The following DTNB variants were observed in gnomAD, a reference collection of about 807,000 sequenced individuals.
The protein encoded by DTNB is DTN-B.
A neutral mutation model predicts 90.7 loss-of-function variants in DTNB; 63 were observed. The observed-to-expected ratio is 0.69, with a 90% CI of 0.57 to 0.86. DTNB has a LOEUF of 0.86. Ranked by LOEUF, DTNB falls within the 40% of genes least tolerant of loss-of-function variation. DTNB has a pLI of 0.00. For synonymous variants in DTNB, 277 were observed against 286.7 expected, an observed-to-expected ratio of 0.97 and a Z score of 0.34; for missense variants, 744 against 807.1, an observed-to-expected ratio of 0.92 and a Z score of 0.95.
chr2:25,384,000 C>G, intron 18 of DTNB, 111 bp from the exon 19 acceptor site: 1 of 1,583,330 alleles, frequency 6.3e-7, no homozygotes, highest in Non-Finnish European at 8.6e-7. Context: ...GCTAACAGCT[C>G]CTGGCTGCAG....
chr2:25,502,825 G>A (rs182349378), intron 9 of DTNB, among the ~76,000 whole-genome samples: 1 of 148,086 alleles, frequency 6.8e-6, no homozygotes, highest in African/African-American at 2.5e-5. Flanking sequence ...CGCAGAGTTT[G>A]CAGTGAGCTG....
At chr2:25,518,203 T>A (rs7568713) in intron 9 of DTNB, among the ~76,000 whole-genome samples, 1 of 118,180 alleles carries the variant, frequency 8.5e-6, no homozygotes, top group African/African-American at 3.9e-5. Context: ...TTTATATTAT[T>A]TTTTTATCCA....
chr2:25,508,187 G>A (rs910344845), intron 9 of DTNB, among the ~76,000 whole-genome samples: 3 of 152,062 alleles, frequency 2.0e-5, no homozygotes, highest in African/African-American at 7.2e-5. Context: ...AGCTTCATGA[G>A]AGCAAAGATT....
chr2:25,660,434 G>A (rs1559422480), intron 1 of DTNB, among the ~76,000 whole-genome samples: 2 of 152,084 alleles, frequency 1.3e-5, no homozygotes, highest in Admixed American at 1.3e-4. Context: ...GAGGGTTGAC[G>A]GGGGAAGGTG....
chr2:25,502,530 C>A (rs983803820), intron 9 of DTNB, among the ~76,000 whole-genome samples: 1 of 151,662 alleles, frequency 6.6e-6, no homozygotes, highest in African/African-American at 2.4e-5. Flanking sequence ...TCACTTGAGC[C>A]CAGGAGGTGA....
At chr2:25,455,721 G>T (rs776720463) in intron 10 of DTNB, among the ~76,000 whole-genome samples, 1 of 152,222 alleles carries the variant, frequency 6.6e-6, no homozygotes, top group Non-Finnish European at 1.5e-5. Context: ...GAGTGGCGCT[G>T]GCCCACTGAC....
At chr2:25,650,005 C>A (rs1213730219) in intron 2 of DTNB, 1 of 984,852 alleles carries the variant, frequency 1.0e-6, no homozygotes, top group Non-Finnish European at 1.2e-6. Context: ...ATAGGAGACT[C>A]AAGAAGTCAT....
intron 4 of DTNB, among the ~76,000 whole-genome samples, chr2:25,617,824 G>A (rs2071218789): frequency 6.6e-6 from 1 of 152,152 alleles, no homozygotes; most frequent in Non-Finnish European, 1.5e-5. Flanking sequence ...GTTGCAGTGA[G>A]CCAAGATCAC....
chr2:25,587,261 A>G (rs1334062469), intron 6 of DTNB, among the ~76,000 whole-genome samples: 1 of 152,232 alleles, frequency 6.6e-6, no homozygotes, highest in Non-Finnish European at 1.5e-5. Flanking sequence ...ATGATGATTT[A>G]AACTCAAATT....
chr2:25,662,542 C>T (rs1216430336), intron 1 of DTNB, among the ~76,000 whole-genome samples: 1 of 151,940 alleles, frequency 6.6e-6, no homozygotes, highest in African/African-American at 2.4e-5. Flanking sequence ...GAAGCATCAC[C>T]CTGGGGGTCA....
chr2:25,577,192 T>C (rs553762820), intron 7 of DTNB, among the ~76,000 whole-genome samples, 188 bp from the exon 8 acceptor site: 111 of 152,274 alleles, frequency 7.3e-4, no homozygotes, highest in Middle Eastern at 3.4e-3. Flanking sequence ...CCCAGCACTA[T>C]GGGAGGCTGA....
chr2:25,666,241 CAG>C (rs1417920141), intron 1 of DTNB, among the ~76,000 whole-genome samples: 2 of 152,076 alleles, frequency 1.3e-5, no homozygotes, highest in African/African-American at 4.8e-5. Context: ...ACCTACAACT[CAG>C]AGAGATCTGT....
intron 3 of DTNB, among the ~76,000 whole-genome samples, chr2:25,633,217 G>A (rs986250191): frequency 1.7e-4 from 26 of 151,354 alleles, no homozygotes; most frequent in African/African-American, 5.6e-4. Context: ...ATGCCGAGCC[G>A]AAGCTGGACT....
chr2:25,591,073 A>G (rs535272234), intron 6 of DTNB, among the ~76,000 whole-genome samples: 73 of 152,350 alleles, frequency 4.8e-4, no homozygotes, highest in African/African-American at 1.8e-3. Flanking sequence ...AGGCTGCAAC[A>G]GTGCCCGAGC....
chr2:25,654,047 G>A (rs772492468), intron 1 of DTNB, among the ~76,000 whole-genome samples: 7 of 151,974 alleles, frequency 4.6e-5, no homozygotes, highest in East Asian at 1.9e-4. Flanking sequence ...AACCCTACCC[G>A]GTAGATATAA....
chr2:25,479,599 G>A (rs147846291), intron 10 of DTNB, among the ~76,000 whole-genome samples: 32 of 152,226 alleles, frequency 2.1e-4, no homozygotes, highest in African/African-American at 7.5e-4. Context: ...AACCTCTCGG[G>A]AACATAATTT....
At chr2:25,645,806 TA>T (rs1205703490) in intron 2 of DTNB, among the ~76,000 whole-genome samples, 1 of 152,144 alleles carries the variant, frequency 6.6e-6, no homozygotes, top group African/African-American at 2.4e-5. Flanking sequence ...AATATTCCAA[TA>T]CCCTCATATT....
chr2:25,667,161 G>T (rs188829711), intron 1 of DTNB, among the ~76,000 whole-genome samples: 1 of 151,150 alleles, frequency 6.6e-6, no homozygotes, highest in Non-Finnish European at 1.5e-5. Context: ...AAAAAGAAAA[G>T]AAAACAAAAT....
chr2:25,670,483 G>A (rs772834647), intron 1 of DTNB, among the ~76,000 whole-genome samples: 7 of 152,168 alleles, frequency 4.6e-5, no homozygotes, highest in Non-Finnish European at 1.0e-4. Flanking sequence ...GTAGGTCAAG[G>A]GGGCCTTTAT....
Sources: gnomAD v4.1 joint callset for allele counts (sites outside exome capture counted in the v4.1 genomes callset) on GRCh38, gnomAD v4.1.1 for gene constraint, MANE v1.5 for transcripts, NCBI Gene and HGNC (gene_info 2026-07-23, HGNC 2026-07-21) for gene names.